The following ZNF438 variants were observed in gnomAD, a reference collection of about 807,000 sequenced individuals.
ZNF438 encodes zinc finger protein 438.
ZNF438 carries 25 observed loss-of-function variants against 38.0 expected under a neutral mutation model. That is an observed-to-expected ratio of 0.66 (90% CI 0.48 to 0.92). ZNF438 has a LOEUF of 0.92. Ranked by LOEUF, ZNF438 falls within the 40% of genes least tolerant of loss-of-function variation. The pLI, the probability that ZNF438 is intolerant of heterozygous loss-of-function variation, is 0.00. For synonymous variants in ZNF438, 372 were observed against 364.1 expected, an observed-to-expected ratio of 1.02 and a Z score of -0.25; for missense variants, 1,007 against 999.6, an observed-to-expected ratio of 1.01 and a Z score of -0.10.
intron 3 of ZNF438, among the ~76,000 whole-genome samples, chr10:30,901,510 T>C (rs898813378): frequency 2.6e-5 from 4 of 152,174 alleles, no homozygotes; most frequent in African/African-American, 9.7e-5. Context: ...CCGGGGGCCA[T>C]GCTAGTCACT....
intron 1 of ZNF438, among the ~76,000 whole-genome samples, chr10:30,987,703 C>T (rs2052999731): frequency 6.6e-6 from 1 of 151,976 alleles, no homozygotes; most frequent in African/African-American, 2.4e-5. Flanking sequence ...ACCCCCCATC[C>T]AAGTGCACAC....
At chr10:30,993,663 G>C (rs1490800174) in intron 1 of ZNF438, among the ~76,000 whole-genome samples, 2 of 152,240 alleles carry the variant, frequency 1.3e-5, no homozygotes, top group Non-Finnish European at 1.5e-5. Flanking sequence ...AAGCAAGGCC[G>C]CAGCAGAGTC....
chr10:30,887,127 A>G (rs772209432), intron 3 of ZNF438, among the ~76,000 whole-genome samples: 10 of 152,176 alleles, frequency 6.6e-5, no homozygotes, highest in Non-Finnish European at 1.3e-4. Flanking sequence ...CACCAAGCCA[A>G]TATTTCTCCA....
chr10:30,875,542 A>G (rs780297173), intron 4 of ZNF438: 112 of 985,448 alleles, frequency 1.1e-4, no homozygotes, highest in Non-Finnish European at 1.3e-4. Context: ...CAGCTAGGAC[A>G]CTGAATTTCA....
chr10:30,953,860 T>G (rs375296935), intron 1 of ZNF438, among the ~76,000 whole-genome samples: 1 of 152,072 alleles, frequency 6.6e-6, no homozygotes, highest in Non-Finnish European at 1.5e-5. Flanking sequence ...AAAGACAAAA[T>G]AGGCCGGGCA....
intron 1 of ZNF438, among the ~76,000 whole-genome samples, chr10:30,992,298 G>A (rs1381080074): frequency 2.6e-5 from 4 of 152,178 alleles, no homozygotes; most frequent in Admixed American, 2.6e-4. Flanking sequence ...TGGGTAACGG[G>A]TAGAAGCTGG....
chr10:30,849,517 G>C (rs1242909084), exon 5 of ZNF438: 2 of 1,614,254 alleles, frequency 1.2e-6, no homozygotes, highest in Non-Finnish European at 1.7e-6. Flanking sequence ...TTCTTGAGTA[G>C]GGTGGGATTG....
At chr10:30,976,520 T>A (rs531987851) in intron 1 of ZNF438, among the ~76,000 whole-genome samples, 1 of 152,162 alleles carries the variant, frequency 6.6e-6, no homozygotes, top group Non-Finnish European at 1.5e-5. Context: ...GCCAGAAGGA[T>A]CGCTTGAGGC....
At chr10:30,874,545 TTGAA>T (rs1414126886) in intron 4 of ZNF438, among the ~76,000 whole-genome samples, 17 of 152,184 alleles carry the variant, frequency 1.1e-4, no homozygotes, top group East Asian at 7.7e-4. Flanking sequence ...CAGAAAGCAT[TTGAA>T]TGAATGAATG....
chr10:30,957,981 A>C (rs1221774846), intron 1 of ZNF438, among the ~76,000 whole-genome samples: 2 of 146,244 alleles, frequency 1.4e-5, no homozygotes, highest in African/African-American at 4.9e-5. Context: ...ATTTTTCTTG[A>C]GGTTTGGAAA....
chr10:30,851,376 C>A (rs539054556), intron 4 of ZNF438, among the ~76,000 whole-genome samples: 27 of 152,332 alleles, frequency 1.8e-4, no homozygotes, highest in Admixed American at 3.9e-4. Flanking sequence ...GGTCACAAGA[C>A]CTGGCTGCAG....
chr10:31,026,088 T>G (rs1022918566), intron 1 of ZNF438, among the ~76,000 whole-genome samples: 2 of 152,146 alleles, frequency 1.3e-5, no homozygotes, highest in African/African-American at 4.8e-5. Flanking sequence ...CAAAATTAAT[T>G]CAAGATGGAT....
intron 1 of ZNF438, among the ~76,000 whole-genome samples, chr10:30,964,165 AGTT>A (rs1459745972): frequency 3.3e-5 from 5 of 152,130 alleles, no homozygotes. Context: ...TCTCTTTTTT[AGTT>A]GTTTCTTCAT....
intron 4 of ZNF438, chr10:30,857,711 C>A (rs1232868510): frequency 6.6e-7 from 1 of 1,506,564 alleles, no homozygotes; most frequent in Non-Finnish European, 9.0e-7. Context: ...TCCAGAAAGG[C>A]TGTTGGATAT....
At chr10:30,991,777 T>G (rs1478620575) in intron 1 of ZNF438, among the ~76,000 whole-genome samples, 1 of 151,906 alleles carries the variant, frequency 6.6e-6, no homozygotes, top group Non-Finnish European at 1.5e-5. Context: ...AACACAGAGG[T>G]CAGGAAGGCT....
intron 1 of ZNF438, among the ~76,000 whole-genome samples, chr10:31,001,140 T>A (rs1481206151): frequency 6.6e-6 from 1 of 152,226 alleles, no homozygotes; most frequent in East Asian, 1.9e-4. Flanking sequence ...TGGATGTCTG[T>A]CTTTCCTGTC....
At chr10:30,906,673 T>C (rs2042619078) in intron 3 of ZNF438, among the ~76,000 whole-genome samples, 2 of 152,220 alleles carry the variant, frequency 1.3e-5, no homozygotes, top group South Asian at 2.1e-4. Flanking sequence ...TTTCAGTTTT[T>C]CACCATTAAG....
intron 1 of ZNF438, among the ~76,000 whole-genome samples, chr10:30,978,567 G>A (rs941739296): frequency 6.6e-6 from 1 of 152,032 alleles, no homozygotes; most frequent in African/African-American, 2.4e-5. Flanking sequence ...TCAAGATATA[G>A]AACACAACCA....
chr10:30,956,481 T>C (rs1172092744), intron 1 of ZNF438, among the ~76,000 whole-genome samples: 1 of 152,234 alleles, frequency 6.6e-6, no homozygotes, highest in African/African-American at 2.4e-5. Flanking sequence ...AAAGTCACCC[T>C]ACTGTACCAT....
Sources: allele counts gnomAD v4.1 joint callset (sites outside exome capture counted in the v4.1 genomes callset), GRCh38; gene constraint gnomAD v4.1.1; transcripts MANE v1.5; gene names NCBI Gene and HGNC (gene_info 2026-07-23, HGNC 2026-07-21).